Variants in GSN observed in about 807,000 individuals in gnomAD.
GSN encodes the protein actin-depolymerizing factor.
In GSN, 56 loss-of-function variants were observed where a neutral mutation model predicts 85.7. The observed-to-expected ratio is 0.65, with a 90% CI of 0.53 to 0.82. The LOEUF is 0.82. GSN is among the 40% of genes least tolerant of loss of function. The pLI, the probability that GSN is intolerant of heterozygous loss-of-function variation, is 0.00. For synonymous variants in GSN, 373 were observed against 399.1 expected (o/e 0.93, Z 0.78); for missense variants, 857 against 979.8 (o/e 0.87, Z 1.67).
At chr9:121,257,046 C>G (rs1362636455) in intron 6 of GSN, among the ~76,000 whole-genome samples, 1 of 151,910 alleles carries the variant, frequency 6.6e-6, no homozygotes, top group Non-Finnish European at 1.5e-5. Flanking sequence ...CAATAGAGAT[C>G]CAAATTACCC....
intron 2 of GSN, chr9:121,286,250 C>G (rs930489088): frequency 2.8e-6 from 3 of 1,088,898 alleles, no homozygotes; most frequent in Non-Finnish European, 4.0e-6. Flanking sequence ...CAGGGAGACC[C>G]GAGGGAAAGT....
At chr9:121,307,962 TCAGTTGTGACTG>T (rs1224447200) in intron 4 of GSN, among the ~76,000 whole-genome samples, 2 of 152,218 alleles carry the variant, frequency 1.3e-5, no homozygotes, top group African/African-American at 2.4e-5. Flanking sequence ...TCGGACCCCC[TCAGTTGTGACTG>T]CAGTTGTGAC....
At chr9:121,236,633 G>A (rs374287411) in intron 5 of GSN, among the ~76,000 whole-genome samples, 1 of 152,176 alleles carries the variant, frequency 6.6e-6, no homozygotes, top group African/African-American at 2.4e-5. Flanking sequence ...TTGAAAGGTA[G>A]AATGCATGGA....
At chr9:121,287,869 C>G (rs2058307157) in intron 2 of GSN, among the ~76,000 whole-genome samples, 1 of 152,080 alleles carries the variant, frequency 6.6e-6, no homozygotes, top group Non-Finnish European at 1.5e-5. Flanking sequence ...CCAAAAGGAT[C>G]CCTCATGCTT....
chr9:121,293,097 C>T (rs2058847967), intron 2 of GSN, among the ~76,000 whole-genome samples: 1 of 152,188 alleles, frequency 6.6e-6, no homozygotes, highest in Admixed American at 6.5e-5. Flanking sequence ...GATGTGGCAC[C>T]ATCATCTGAT....
At chr9:121,264,490 C>T (rs1267915001), upstream of GSN, among the ~76,000 whole-genome samples, 4 of 152,080 alleles carry the variant, frequency 2.6e-5, no homozygotes, top group African/African-American at 7.2e-5. Flanking sequence ...GCAATCAGTT[C>T]GTAAGAAAAC....
intron 6 of GSN, among the ~76,000 whole-genome samples, chr9:121,262,858 G>A (rs948730485): frequency 6.6e-5 from 10 of 152,174 alleles, no homozygotes; most frequent in African/African-American, 1.9e-4. Flanking sequence ...GAGTCCTCCC[G>A]TAGTGTCCCC....
intron 2 of GSN, among the ~76,000 whole-genome samples, chr9:121,298,002 A>T (rs2059375924): frequency 6.6e-6 from 1 of 151,994 alleles, no homozygotes; most frequent in African/African-American, 2.4e-5. Flanking sequence ...GCTAGGGGGA[A>T]GGGAGAGCTC....
chr9:121,303,183 G>A, intron 4 of GSN, 118 bp downstream of exon 4: 1 of 966,914 alleles, frequency 1.0e-6, no homozygotes, highest in Non-Finnish European at 1.6e-6. Flanking sequence ...CAGAGGTCAG[G>A]CTTTGGAGTC....
chr9:121,287,679 G>A (rs1207951802), intron 2 of GSN, among the ~76,000 whole-genome samples: 2 of 77,994 alleles, frequency 2.6e-5, no homozygotes, highest in East Asian at 1.1e-3. Context: ...GGAAGCGTGT[G>A]GGCTTTTTTT....
chr9:121,233,691 A>G (rs1029729614), intron 5 of GSN, among the ~76,000 whole-genome samples: 3 of 152,280 alleles, frequency 2.0e-5, no homozygotes. Flanking sequence ...AGAGATAACA[A>G]TATTTTACTA....
At chr9:121,224,053 G>A (rs991676637) in intron 4 of GSN, among the ~76,000 whole-genome samples, 12 of 151,216 alleles carry the variant, frequency 7.9e-5, no homozygotes, top group African/African-American at 2.7e-4. Flanking sequence ...CAGTCTGATA[G>A]GTTAAAAAAA....
chr9:121,278,612 G>C (rs1198536999), intron 1 of GSN, among the ~76,000 whole-genome samples: 3 of 152,224 alleles, frequency 2.0e-5, no homozygotes, highest in Non-Finnish European at 4.4e-5. Flanking sequence ...CTATGTCCTA[G>C]GATGTGATTC....
At chr9:121,295,149 C>T (rs1048241640) in intron 2 of GSN, among the ~76,000 whole-genome samples, 3 of 152,200 alleles carry the variant, frequency 2.0e-5, no homozygotes, top group African/African-American at 7.2e-5. Flanking sequence ...AGCTCCTGTG[C>T]GTCACATCCT....
chr9:121,217,298 G>A (rs548159170), intron 4 of GSN, among the ~76,000 whole-genome samples: 4 of 151,944 alleles, frequency 2.6e-5, no homozygotes, highest in Admixed American at 6.6e-5. Flanking sequence ...CCTGGGAGGC[G>A]GAGATTGCAG....
At position 121,321,313 on chromosome 9, in the gene GSN, A is replaced by G; in HGVS notation, c.1237A>G (p.Thr413Ala). Reference protein sequence around the residue: ...GSNKVPVDPATYGQFYGGDSY... With the variant: ...GSNKVPVDPAAYGQFYGGDSY... ...CAACAAGGTGCCCGTGGACCCTGCC[A>G]CATATGGACAGTTCTATGGAGGCGA... is the stretch of plus-strand genomic sequence containing the variant. The change falls in exon 11 of 18, where the codon ACA becomes GCA. Residue 413 changes from threonine (T) to alanine (A), a missense_variant. Thr to Ala is a moderately conservative substitution (Grantham distance 58). Coordinates refer to ENST00000432226, the MANE Select transcript of GSN (RefSeq NM_198252.3). 1 of 1,613,870 alleles carries G rather than the reference A, an allele frequency of 6.2e-7. No homozygotes were observed. Among genetic ancestry groups the G allele is most frequent in the Non-Finnish European group, 8.5e-7 (1 of 1,179,734 alleles).
At chr9:121,296,710 A>G (rs1236001761) in intron 2 of GSN, among the ~76,000 whole-genome samples, 2 of 152,058 alleles carry the variant, frequency 1.3e-5, no homozygotes, top group African/African-American at 4.8e-5. Context: ...GAATTCCCCC[A>G]TTCCCTTGAA....
chr9:121,226,610 C>CA (rs2054276102), intron 4 of GSN, among the ~76,000 whole-genome samples: 1 of 152,194 alleles, frequency 6.6e-6, no homozygotes. Flanking sequence ...GTCCCTGGCA[C>CA]AGAGCTCCTA....
chr9:121,224,741 G>GAAAAA (rs11374663), intron 4 of GSN, among the ~76,000 whole-genome samples: 1 of 114,358 alleles, frequency 8.7e-6, no homozygotes, highest in African/African-American at 3.3e-5. Flanking sequence ...TAGGCTACCT[G>GAAAAA]AAAAAAAAAA....
Sources: gnomAD v4.1 joint callset for allele counts (sites outside exome capture counted in the v4.1 genomes callset) on GRCh38, gnomAD v4.1.1 for gene constraint, MANE v1.5 for transcripts, NCBI Gene and HGNC (gene_info 2026-07-23, HGNC 2026-07-21) for gene names.